The following OTUD7B variants were observed in gnomAD, a reference collection of about 807,000 sequenced individuals.
The protein encoded by OTUD7B is OTU deubiquitinase 7B.
In OTUD7B, 34 loss-of-function variants were observed where a neutral mutation model predicts 82.2. That is an observed-to-expected ratio of 0.41 (90% CI 0.31 to 0.55). OTUD7B has a LOEUF of 0.55. Ranked by LOEUF, OTUD7B falls within the 20% of genes least tolerant of loss-of-function variation. The pLI is 0.20. For synonymous variants in OTUD7B, 398 were observed against 402.7 expected, an observed-to-expected ratio of 0.99 and a Z score of 0.14; for missense variants, 944 against 1,062.1, an observed-to-expected ratio of 0.89 and a Z score of 1.55.
At chr1:150,018,293 G>T in the OTUD7B span, among the ~76,000 whole-genome samples, 1 of 152,170 alleles carries the variant, frequency 6.6e-6, no homozygotes, top group South Asian at 2.1e-4. Flanking sequence ...CCTATAGCAG[G>T]AAAGAGGAAG....
Position 149,949,630 on chromosome 1 carries a change from T to C in OTUD7B, c.1122A>G (p.Gln374=). 1 of 1,613,540 alleles carries C rather than the reference T, an allele frequency of 6.2e-7. No individual in the cohort carries two copies. The highest frequency in any genetic ancestry group is 8.5e-7 in the Non-Finnish European group (1 of 1,179,552). The change falls in exon 9 of 12, where the codon CAA becomes CAG. Residue 374 remains glutamine, a splice_region_variant and synonymous_variant. Transcript: ENST00000581312. ...ACCAAAAGACATGTCATTCAGCACC[T>C]TGTTCCTTGGTATTCTCCTTCTGCT... The part of the protein sequence containing the change: ...SMEQKENTKE[Q]AVIPLTDSEY...
intron 3 of OTUD7B, among the ~76,000 whole-genome samples, chr1:149,970,284 C>T (rs1247998385): frequency 6.7e-6 from 1 of 149,774 alleles, no homozygotes; most frequent in Non-Finnish European, 1.5e-5. Flanking sequence ...TTATATGCTG[C>T]ATTTATGTAT....
At chr1:150,022,937 T>C in the OTUD7B span, among the ~76,000 whole-genome samples, 19 of 152,170 alleles carry the variant, frequency 1.2e-4, no homozygotes, top group Non-Finnish European at 2.2e-4. Context: ...AGTAAGGTCA[T>C]AGTGTTTGCC....
intron 1 of OTUD7B, among the ~76,000 whole-genome samples, chr1:149,995,720 A>G (rs1247651488): frequency 6.6e-6 from 1 of 152,172 alleles, no homozygotes; most frequent in Non-Finnish European, 1.5e-5. Flanking sequence ...GCTTTCTACG[A>G]GATAATGCTC....
the OTUD7B span, chr1:150,054,172 G>T: frequency 2.6e-6 from 1 of 384,726 alleles, no homozygotes; most frequent in East Asian, 6.8e-5. Context: ...ACGGTGGTAC[G>T]CAGGTGGTTA....
the OTUD7B span, among the ~76,000 whole-genome samples, chr1:150,042,137 CCCTCCCTTCCTT>C: frequency 2.5e-5 from 3 of 118,820 alleles, no homozygotes; most frequent in East Asian, 2.4e-4. Context: ...CTCCCTCCCT[CCCTCCCTTCCTT>C]CCTCCCTTCC....
At chr1:150,015,758 A>C in the OTUD7B span, among the ~76,000 whole-genome samples, 3 of 152,062 alleles carry the variant, frequency 2.0e-5, no homozygotes, top group Non-Finnish European at 4.4e-5. Flanking sequence ...ACATGGCTTC[A>C]GGGGAGATTG....
At chr1:150,044,974 A>G in the OTUD7B span, among the ~76,000 whole-genome samples, 1 of 152,090 alleles carries the variant, frequency 6.6e-6, no homozygotes, top group African/African-American at 2.4e-5. Flanking sequence ...GTTATAGCCA[A>G]CGTCCCTAAA....
intron 6 of OTUD7B, chr1:149,963,846 G>A: frequency 5.9e-6 from 1 of 170,514 alleles, no homozygotes; most frequent in Admixed American, 5.7e-5. Context: ...ATTTCTATAG[G>A]GGCTGAAAAC....
upstream of OTUD7B, among the ~76,000 whole-genome samples, chr1:150,013,190 T>C (rs73016112): frequency 0.019 from 2,956 of 152,316 alleles, 81 homozygotes; most frequent in African/African-American, 0.065. Context: ...CCTCAACTGC[T>C]ATTCTGTCCA....
At position 149,952,219 on chromosome 1, in the gene OTUD7B, G is replaced by T. The variant is rs1368213283; in HGVS notation, c.846-1998C>A. Among the ~76,000 whole-genome samples the T allele has an allele frequency of 2.7e-5, 3 of 109,654 alleles. No homozygotes were observed. In the Admixed American group the frequency reaches 3.9e-4, roughly 14 times the overall value. The allele number at this position is 109,654 out of a possible 152,430, so 71.9% of individuals were successfully genotyped here. On this transcript the variant is annotated intron_variant, in intron 7 of 11. Coordinates refer to ENST00000581312, the MANE Select transcript of OTUD7B (RefSeq NM_020205.4). ...CCCCCCTCCCCCAACTCCACAACAG[G>T]CCTTGGTGTGTGATGTTCCCCACCC...
chr1:150,012,123 T>C (rs1232271558), upstream of OTUD7B, among the ~76,000 whole-genome samples: 2 of 152,170 alleles, frequency 1.3e-5, no homozygotes, highest in East Asian at 1.9e-4. Context: ...TTCAAGCGTA[T>C]AAGGGACCAC....
chr1:150,014,957 C>G (rs1275230970), upstream of OTUD7B, among the ~76,000 whole-genome samples: 1 of 152,038 alleles, frequency 6.6e-6, no homozygotes, highest in East Asian at 1.9e-4. Flanking sequence ...AACATTTAAC[C>G]AGGTTAAACA....
At chr1:150,055,616 G>A in the OTUD7B span, among the ~76,000 whole-genome samples, 1 of 152,304 alleles carries the variant, frequency 6.6e-6, no homozygotes, top group East Asian at 1.9e-4. Flanking sequence ...GCGCACAATA[G>A]CAAAGACATG....
chr1:150,064,376 T>TTTTTC, the OTUD7B span, among the ~76,000 whole-genome samples: 6 of 152,228 alleles, frequency 3.9e-5, no homozygotes, highest in South Asian at 1.2e-3. Context: ...TCTCTTCTCT[T>TTTTTC]TTTTCTTTTC....
intron 6 of OTUD7B, among the ~76,000 whole-genome samples, chr1:149,960,413 T>TTTTG (rs1366020859): frequency 0.23 from 16,949 of 72,162 alleles, 5,093 homozygotes; most frequent in African/African-American, 0.28. Context: ...TTTTTTTTTG[T>TTTTG]AGACAGAGTC....
the OTUD7B span, among the ~76,000 whole-genome samples, chr1:150,059,510 C>T: frequency 6.6e-6 from 1 of 151,906 alleles, no homozygotes; most frequent in Admixed American, 6.6e-5. Flanking sequence ...GCTGGGATTA[C>T]AGGCATGCGC....
chr1:150,052,809 A>ACAAT, the OTUD7B span, among the ~76,000 whole-genome samples: 1 of 91,408 alleles, frequency 1.1e-5, no homozygotes, highest in Admixed American at 1.4e-4. Context: ...AAACAAACAA[A>ACAAT]CGAAAACAAA....
chr1:150,045,219 G>T, the OTUD7B span, among the ~76,000 whole-genome samples: 4 of 151,684 alleles, frequency 2.6e-5, no homozygotes, highest in African/African-American at 9.7e-5. Flanking sequence ...AGCCTCCCAA[G>T]TAGCTGAGAT....
Sources: gnomAD v4.1 joint callset for allele counts (sites outside exome capture counted in the v4.1 genomes callset) on GRCh38, gnomAD v4.1.1 for gene constraint, MANE v1.5 for transcripts, NCBI Gene and HGNC (gene_info 2026-07-23, HGNC 2026-07-21) for gene names.